The following ATP2B1 variants were observed in gnomAD, a reference collection of about 807,000 sequenced individuals.
The protein encoded by ATP2B1 is ATPase plasma membrane Ca2+ transporting 1.
A neutral mutation model predicts 124.2 loss-of-function variants in ATP2B1; 14 were observed. The ratio of observed to expected loss-of-function variants is 0.11; its 90% confidence interval spans 0.07 to 0.18. ATP2B1 has a LOEUF of 0.18. Among genes scored for constraint, ATP2B1 ranks in the 10% least tolerant of loss-of-function variants. The pLI is 1.00. For synonymous variants in ATP2B1, 449 were observed against 492.4 expected (o/e 0.91, Z 1.17); for missense variants, 763 against 1,466.1 (o/e 0.52, Z 7.83).
intron 1 of ATP2B1, among the ~76,000 whole-genome samples, chr12:89,676,453 A>AT (rs1031318614): frequency 2.0e-4 from 31 of 152,168 alleles, no homozygotes; most frequent in African/African-American, 7.5e-4. Flanking sequence ...CGCTACACAT[A>AT]TATATAATAT....
chr12:89,604,486 CAG>C, intron 15 of ATP2B1, 140 bp from the exon 16 acceptor site: 1 of 614,462 alleles, frequency 1.6e-6, no homozygotes, highest in Non-Finnish European at 2.7e-6. Context: ...AAGAAGGTAA[CAG>C]AGTTATTCTA....
At chr12:89,664,846 C>T (rs1887111278) in intron 1 of ATP2B1, among the ~76,000 whole-genome samples, 1 of 150,396 alleles carries the variant, frequency 6.6e-6, no homozygotes, top group East Asian at 2.0e-4. Flanking sequence ...CTTTATTATG[C>T]TATTCTTTTT....
chr12:89,663,561 T>A (rs1432113169), intron 1 of ATP2B1, among the ~76,000 whole-genome samples: 1 of 152,074 alleles, frequency 6.6e-6, no homozygotes, highest in Admixed American at 6.5e-5. Context: ...ACCCAGTAAA[T>A]ACCATTTGGT....
chr12:89,636,244 G>A (rs886848841), intron 3 of ATP2B1, among the ~76,000 whole-genome samples: 1 of 152,042 alleles, frequency 6.6e-6, no homozygotes, highest in African/African-American at 2.4e-5. Flanking sequence ...GGGAGAGAAT[G>A]AGCCAAAACT....
intron 1 of ATP2B1, among the ~76,000 whole-genome samples, chr12:89,706,619 C>G (rs1332311341): frequency 6.6e-6 from 1 of 152,116 alleles, no homozygotes; most frequent in Non-Finnish European, 1.5e-5. Context: ...AGAAATTTCT[C>G]TCAAAAGAGA....
intron 15 of ATP2B1, among the ~76,000 whole-genome samples, chr12:89,607,910 G>C (rs1290032693): frequency 1.3e-5 from 2 of 152,012 alleles, no homozygotes; most frequent in African/African-American, 4.8e-5. Context: ...AAATGTACAA[G>C]CAGAACACAC....
chr12:89,646,453 TAAG>T (rs1002176146), intron 2 of ATP2B1, among the ~76,000 whole-genome samples: 3 of 151,994 alleles, frequency 2.0e-5, no homozygotes, highest in African/African-American at 4.8e-5. Context: ...CCAAGGCACC[TAAG>T]AAGAAACAGC....
intron 1 of ATP2B1, among the ~76,000 whole-genome samples, chr12:89,689,298 T>A (rs1890294511): frequency 6.6e-6 from 1 of 152,104 alleles, no homozygotes; most frequent in African/African-American, 2.4e-5. Context: ...CTAAAAAAAA[T>A]TATTCACTGG....
At chr12:89,619,566 G>A (rs112900084) in intron 11 of ATP2B1, among the ~76,000 whole-genome samples, 1,927 of 149,272 alleles carry the variant, frequency 0.013, 29 homozygotes, top group African/African-American at 0.041. Context: ...AGCTGAGATC[G>A]CGCCACTGCA....
At position 89,621,800 on chromosome 12, in the gene ATP2B1, A is replaced by C; in HGVS notation, c.1345-9T>G. 7.4e-7 allele frequency: 1 copy of C among 1,354,470 alleles called. No homozygotes were observed. Among genetic ancestry groups the C allele is most frequent in the South Asian group, 1.5e-5 (1 of 67,114 alleles). 83.9% of individuals were successfully genotyped at this position (1,354,470 alleles called of 1,614,324 possible). On this transcript the variant is annotated splice_polypyrimidine_tract_variant and intron_variant, in intron 9 of 20. Coordinates refer to ENST00000428670, the MANE Select transcript of ATP2B1 (RefSeq NM_001366521.1). The stretch of plus-strand genomic sequence containing the variant: ...TTATCTTTCATCATTTTCTACAGTG[A>C]CCAAAAAAAAAAAACTAGTTAAGCT...
intron 12 of ATP2B1, 74 bp from the exon 13 acceptor site, chr12:89,611,446 G>C: frequency 1.6e-6 from 2 of 1,242,202 alleles, no homozygotes; most frequent in Admixed American, 5.4e-5. Flanking sequence ...CACTGCACAC[G>C]ACTGCATTAA....
intron 1 of ATP2B1, among the ~76,000 whole-genome samples, chr12:89,681,442 G>A (rs985634794): frequency 4.0e-5 from 6 of 149,486 alleles, no homozygotes; most frequent in Admixed American, 6.7e-5. Context: ...GTGCAGTGGC[G>A]TGATCTTGGC....
intron 14 of ATP2B1, 23 bp downstream of exon 14, chr12:89,610,398 A>G: frequency 6.3e-7 from 1 of 1,589,774 alleles, no homozygotes; most frequent in Non-Finnish European, 8.6e-7. Flanking sequence ...AGAAATTGTG[A>G]AATAACTGAA....
rs115143862 is a variant in ATP2B1 at position 89,652,027 on chromosome 12, A to G, written c.208+3652T>C. ...GGTTGCTCCTCCATACTTGACAGAA[A>G]TCCAATATCGACACCCCCAATATTT... On this transcript the variant is annotated intron_variant, in intron 2 of 20. Coordinates refer to ENST00000428670, the MANE Select transcript of ATP2B1 (RefSeq NM_001366521.1). Among the ~76,000 whole-genome samples, 614 of 152,266 alleles carry G rather than the reference A, an allele frequency of 4.0e-3. 2 individuals are homozygous for G. The highest frequency in any genetic ancestry group is 0.014 in the African/African-American group (575 of 41,570).
At chr12:89,699,873 C>T (rs749080982) in intron 1 of ATP2B1, among the ~76,000 whole-genome samples, 1 of 152,048 alleles carries the variant, frequency 6.6e-6, no homozygotes, top group Non-Finnish European at 1.5e-5. Context: ...CAGAGACGGT[C>T]TCCCTCTGTC....
intron 15 of ATP2B1, among the ~76,000 whole-genome samples, chr12:89,607,391 CAGTCTCTACAGGCAGAGTCA>C (rs1052775117): frequency 8.5e-4 from 130 of 152,290 alleles, no homozygotes; most frequent in African/African-American, 3.1e-3. Flanking sequence ...AAACCCTTCC[CAGTCTCTACAGGCAGAGTCA>C]AGGACTTCTG....
intron 20 of ATP2B1, among the ~76,000 whole-genome samples, chr12:89,598,419 C>T (rs1243222776): frequency 6.6e-6 from 1 of 152,098 alleles, no homozygotes. Flanking sequence ...ATCTAGCCCT[C>T]TAAGAAATAA....
intron 11 of ATP2B1, among the ~76,000 whole-genome samples, chr12:89,619,618 T>TAAAAAAAAA (rs367554417): frequency 6.9e-4 from 85 of 122,360 alleles, no homozygotes; most frequent in East Asian, 1.5e-3. Flanking sequence ...CTTAAACAAA[T>TAAAAAAAAA]AAAAAAAAAA....
intron 11 of ATP2B1, 71 bp from the exon 12 acceptor site, chr12:89,617,110 G>A: frequency 8.6e-7 from 1 of 1,162,396 alleles, no homozygotes; most frequent in East Asian, 2.4e-5. Flanking sequence ...TAAGTGAACT[G>A]GCAGGCCTAG....
Sources: allele counts gnomAD v4.1 joint callset (sites outside exome capture counted in the v4.1 genomes callset), GRCh38; gene constraint gnomAD v4.1.1; transcripts MANE v1.5; gene names NCBI Gene and HGNC (gene_info 2026-07-23, HGNC 2026-07-21).